The following FAT1 variants were observed in gnomAD, a reference collection of about 807,000 sequenced individuals.
FAT1 encodes FAT atypical cadherin 1.
In FAT1, 171 loss-of-function variants were observed where a neutral mutation model predicts 329.8. That is an observed-to-expected ratio of 0.52 (90% CI 0.46 to 0.59). The LOEUF (loss-of-function observed/expected upper bound fraction) is 0.59, where lower values mean the gene tolerates loss of function less well. FAT1 is among the 20% of genes least tolerant of loss of function. FAT1 has a pLI of 0.00. For synonymous variants in FAT1, 2,233 were observed against 2,228.6 expected, an observed-to-expected ratio of 1.00 and a Z score of -0.06; for missense variants, 5,672 against 5,774.4, an observed-to-expected ratio of 0.98 and a Z score of 0.57.
upstream of FAT1, among the ~76,000 whole-genome samples, chr4:186,724,372 C>T (rs148293380): frequency 0.016 from 2,400 of 152,128 alleles, 54 homozygotes; most frequent in African/African-American, 0.051. This position sits in a 1 kb window ranked among gnomAD's most constrained non-coding sequence, Gnocchi z 5.3. Context: ...AGGTCGGAAT[C>T]TACTTCCTCC....
At position 186,588,647 on chromosome 4, in the gene FAT1, T is replaced by C; in HGVS notation, c.13712A>G (p.His4571Arg). The C allele has an allele frequency of 6.2e-7, 1 of 1,613,820 alleles. No homozygotes were observed. ...MSDYESGDDG[H>R]FEEVTIPPLD... Reference sequence around the variant, plus strand: ...GGGCGGGATCGTCACCTCTTCGAAGTGGCCGTCGTCCCCGCTCTCATAGTC... The same window carrying C: ...GGGCGGGATCGTCACCTCTTCGAAGCGGCCGTCGTCCCCGCTCTCATAGTC... The change falls in exon 27 of 27, where the codon CAC becomes CGC. Residue 4571 changes from histidine to arginine, a missense_variant. Coordinates refer to ENST00000441802, the MANE Select transcript of FAT1 (RefSeq NM_005245.4).
rs2126667157 is a variant in FAT1 at position 186,695,822 on chromosome 4, ACTCTTGTCCCCC to A, written c.3265+10729_3265+10740del. On this transcript the variant is annotated intron_variant, in intron 2 of 26. Transcript: ENST00000441802. Reference sequence around the variant, plus strand: ...ACACACATTTTTGAGACGGAGTTTCACTCTTGTCCCCCAGGCTGAAGGGCAGTGGCACAATCT... The same window carrying A: ...ACACACATTTTTGAGACGGAGTTTCAAGGCTGAAGGGCAGTGGCACAATCT... Among the ~76,000 whole-genome samples, 3 of 149,386 alleles carry A rather than the reference ACTCTTGTCCCCC, an allele frequency of 2.0e-5. No homozygotes were observed. In the South Asian group the frequency reaches 6.4e-4, roughly 32 times the overall value.
At chr4:186,714,843 G>T (rs1745133825) in intron 1 of FAT1, among the ~76,000 whole-genome samples, 1 of 152,240 alleles carries the variant, frequency 6.6e-6, no homozygotes, top group Admixed American at 6.5e-5. Context: ...ACTTCGGGAG[G>T]CCGAGGCAGG....
intron 2 of FAT1, among the ~76,000 whole-genome samples, chr4:186,686,240 C>CCCT (rs1553998093): frequency 1.2e-4 from 17 of 143,416 alleles, no homozygotes; most frequent in African/African-American, 4.0e-4. Flanking sequence ...GAATTTTCAC[C>CCCT]CCCCCCCGAC....
chr4:186,704,249 C>T (rs1408687317), intron 2 of FAT1, among the ~76,000 whole-genome samples: 1 of 152,158 alleles, frequency 6.6e-6, no homozygotes, highest in Non-Finnish European at 1.5e-5. Context: ...CACCTCCCCG[C>T]CTCCCACTAA....
At chr4:186,668,867 G>A (rs529233553) in intron 2 of FAT1, among the ~76,000 whole-genome samples, 11 of 152,178 alleles carry the variant, frequency 7.2e-5, no homozygotes, top group African/African-American at 2.6e-4. Flanking sequence ...GTCATCACTG[G>A]ATGTGAATCA....
At chr4:186,674,013 G>C (rs1239116525) in intron 2 of FAT1, among the ~76,000 whole-genome samples, 1 of 152,228 alleles carries the variant, frequency 6.6e-6, no homozygotes, top group African/African-American at 2.4e-5. Context: ...TTAAGATACA[G>C]AGAATATATT....
intron 24 of FAT1, 191 bp from the exon 25 acceptor site, chr4:186,597,362 G>T: frequency 1.6e-6 from 1 of 622,934 alleles, no homozygotes; most frequent in Non-Finnish European, 2.7e-6. Flanking sequence ...AACCAATCAT[G>T]TGATCGCATG....
Position 186,712,930 on chromosome 4 carries a change from G to C in FAT1, c.-18-3085C>G, listed in dbSNP as rs543924207. On this transcript the variant is annotated intron_variant, in intron 1 of 26. Transcript: ENST00000441802. ...CACGTGGCTGGAGCACAGCGGTTGA[G>C]GGACAGCGGTAAGGCCGGGGCACAT... 6.7e-4 allele frequency among the ~76,000 whole-genome samples: 69 copies of C among 102,422 alleles called. 2 individuals are homozygous for C. The highest frequency in any genetic ancestry group is 7.0e-4 in the East Asian group (2 of 2,858). The allele number at this position is 102,422 out of a possible 152,430, so 67.2% of individuals were successfully genotyped here.
intron 2 of FAT1, among the ~76,000 whole-genome samples, chr4:186,676,069 G>C (rs1271313809): frequency 1.3e-5 from 2 of 148,960 alleles, no homozygotes; most frequent in Admixed American, 6.6e-5. Flanking sequence ...TGGACCAGCA[G>C]AGAGAGAGGA....
rs2126688020 is a variant in FAT1 at position 186,707,378 on chromosome 4, T to C, written c.2450A>G (p.Asp817Gly). ...LLHVVVVDAN[D>G]NPPEFLQESY... is the part of the protein sequence containing the mutation. Reference sequence around the variant, plus strand: ...CTCCTGTAAAAACTCGGGTGGATTATCATTGGCATCGACAACCACGACATG... The same window carrying C: ...CTCCTGTAAAAACTCGGGTGGATTACCATTGGCATCGACAACCACGACATG... The change falls in exon 2 of 27, where the codon GAT becomes GGT. Residue 817 changes from aspartate (D) to glycine (G), a missense_variant. This residue lies in a region of FAT1 where 3,966 missense variants were observed against 3,915.2 expected (regional missense o/e 1.01). Coordinates refer to ENST00000441802, the MANE Select transcript of FAT1 (RefSeq NM_005245.4). 6.2e-7 allele frequency: 1 copy of C among 1,614,030 alleles called. No homozygotes were observed. Among genetic ancestry groups the C allele is most frequent in the Non-Finnish European group, 8.5e-7 (1 of 1,179,888 alleles).
chr4:186,654,144 C>T (rs1402151207), intron 3 of FAT1, among the ~76,000 whole-genome samples: 1 of 152,132 alleles, frequency 6.6e-6, no homozygotes, highest in East Asian at 1.9e-4. Context: ...ATTGCCTGAC[C>T]TCTGGTAGCT....
At chr4:186,623,563 T>G in intron 9 of FAT1, among the ~76,000 whole-genome samples, 1 of 152,348 alleles carries the variant, frequency 6.6e-6, no homozygotes, top group Non-Finnish European at 1.5e-5. Flanking sequence ...ATCTTGCCGA[T>G]GAAGCTTCAA....
intron 9 of FAT1, among the ~76,000 whole-genome samples, chr4:186,624,859 C>T (rs1030910139): frequency 6.6e-6 from 1 of 152,224 alleles, no homozygotes; most frequent in African/African-American, 2.4e-5. Flanking sequence ...CCATCTCCAA[C>T]ACATGCACAC....
chr4:186,609,147 A>C, intron 16 of FAT1, 36 bp downstream of exon 16: 1 of 1,602,902 alleles, frequency 6.2e-7, no homozygotes, highest in Non-Finnish European at 8.5e-7. Flanking sequence ...TGATGTGGTG[A>C]TTTGTAAACA....
chr4:186,602,478 G>T (rs901783501), intron 20 of FAT1, among the ~76,000 whole-genome samples: 1 of 152,156 alleles, frequency 6.6e-6, no homozygotes, highest in Non-Finnish European at 1.5e-5. Flanking sequence ...AGCCATGCTA[G>T]AAAATATTAT....
chr4:186,609,339 C>T lies in FAT1; in HGVS notation c.10069-19G>A. On this transcript the variant is annotated intron_variant, in intron 15 of 26. Transcript: ENST00000441802. Reference sequence around the variant, plus strand: ...CCATAACCTAGAACACACCACACTCCTGTTTAGGAGACAGCTAAGAAGAGG... The same window carrying T: ...CCATAACCTAGAACACACCACACTCTTGTTTAGGAGACAGCTAAGAAGAGG... The T allele has an allele frequency of 4.3e-6, 7 of 1,610,964 alleles. No homozygotes were observed. The highest frequency in any genetic ancestry group is 5.9e-6 in the Non-Finnish European group (7 of 1,178,870).
At chr4:186,617,644 T>C (rs1739775127) in intron 10 of FAT1, 64 bp downstream of exon 10, 6 of 1,359,306 alleles carry the variant, frequency 4.4e-6, no homozygotes, top group Non-Finnish European at 6.0e-6. Flanking sequence ...ATACAGATCT[T>C]ATACTTTATG....
In FAT1 at chr4:186,618,284, G is replaced by A. The variant is rs1472546852; in HGVS notation, c.8302C>T (p.His2768Tyr). 5.0e-6 allele frequency: 8 copies of A among 1,613,924 alleles called. No individual in the cohort carries two copies. In the East Asian group the frequency reaches 1.8e-4, roughly 36 times the overall value. Residue 2768 changes from histidine (H) to tyrosine (Y), a missense_variant, in exon 10 of 27, where the codon CAT becomes TAT. Around this residue, in one of 2 missense-constraint regions of FAT1, gnomAD observed 3,966 missense variants for 3,915.2 expected, o/e 1.01. Transcript: ENST00000441802. ...GRLKLEKSLD[H>Y]ETTKWYQFSI... ...AACTGATACCACTTAGTTGTCTCAT[G>A]ATCAAGACTCTTCTCCAACTTCAGT...
Sources: gnomAD v4.1 joint callset for allele counts (sites outside exome capture counted in the v4.1 genomes callset) on GRCh38, gnomAD v4.1.1 for gene constraint, gnomAD v4.1.1 regional missense constraint, Gnocchi (gnomAD v3.1) non-coding constraint, MANE v1.5 for transcripts, NCBI Gene and HGNC (gene_info 2026-07-23, HGNC 2026-07-21) for gene names.